KCNQ2: variants seen among roughly 807,000 people sequenced by gnomAD.
The protein encoded by KCNQ2 is potassium voltage-gated channel subfamily Q member 2.
Under a neutral mutation model 84.8 loss-of-function variants are expected in KCNQ2, and 14 were observed. That is an observed-to-expected ratio of 0.17 (90% confidence interval 0.11 to 0.26). The LOEUF (loss-of-function observed/expected upper bound fraction) is 0.26. KCNQ2 is among the 10% of genes least tolerant of loss of function. The pLI is 1.00. For synonymous variants in KCNQ2, 599 were observed against 554.1 expected, an observed-to-expected ratio of 1.08 and a Z score of -1.14; for missense variants, 788 against 1,254.0, an observed-to-expected ratio of 0.63 and a Z score of 5.61.
At chr20:63,415,220 C>G in intron 12 of KCNQ2, 94 bp from the exon 13 acceptor site, 1 of 1,165,034 alleles carries the variant, frequency 8.6e-7, no homozygotes, top group Non-Finnish European at 1.2e-6. Context: ...GCCGACGCCG[C>G]CCATGCGCCG....
intron 1 of KCNQ2, among the ~76,000 whole-genome samples, chr20:63,461,720 G>A (rs1013906396): frequency 6.9e-6 from 1 of 144,838 alleles, no homozygotes; most frequent in African/African-American, 2.6e-5. Context: ...ACCTACCCCG[G>A]GCAGCAGGCA....
intron 1 of KCNQ2, among the ~76,000 whole-genome samples, chr20:63,468,556 G>A (rs2082136626): frequency 6.6e-6 from 1 of 152,238 alleles, no homozygotes; most frequent in Non-Finnish European, 1.5e-5. Context: ...GGACTGTGAG[G>A]GGAAGCGCCT....
intron 7 of KCNQ2, among the ~76,000 whole-genome samples, chr20:63,436,611 AC>A (rs1470326986): frequency 6.6e-6 from 1 of 151,904 alleles, no homozygotes; most frequent in African/African-American, 2.4e-5. Flanking sequence ...TCGAGGTGAG[AC>A]CCCCTACCAG....
At chr20:63,436,276 A>C (rs1480079574) in intron 7 of KCNQ2, among the ~76,000 whole-genome samples, 1 of 152,230 alleles carries the variant, frequency 6.6e-6, no homozygotes, top group Non-Finnish European at 1.5e-5. Context: ...TCACGCCTGT[A>C]ATCCCAGCAC....
intron 11 of KCNQ2, among the ~76,000 whole-genome samples, chr20:63,420,653 C>G (rs1391934311): frequency 6.6e-6 from 1 of 152,176 alleles, no homozygotes; most frequent in African/African-American, 2.4e-5. Flanking sequence ...GGCAGCTCTC[C>G]GAGCGGCGTC....
At chr20:63,453,480 C>T (rs925678723) in intron 1 of KCNQ2, among the ~76,000 whole-genome samples, 12 of 152,250 alleles carry the variant, frequency 7.9e-5, no homozygotes, top group African/African-American at 2.7e-4. Flanking sequence ...GCGCCTTCTG[C>T]GGGCGATCCT....
rs762724881 is a variant in KCNQ2 at position 63,445,227 on chromosome 20, C to A, written c.514+11G>T. The A allele has an allele frequency of 2.5e-6, 4 of 1,613,914 alleles. No homozygotes were observed. The highest frequency in any genetic ancestry group is 3.4e-6 in the Non-Finnish European group (4 of 1,180,018). On this transcript the variant is annotated intron_variant, in intron 3 of 16. Coordinates refer to ENST00000359125, the MANE Select transcript of KCNQ2 (RefSeq NM_172107.4). ...CCTGATTCTAGCAATACCACCCCCA[C>A]CAGGCCTCACCAATCACACAGAACG...
At chr20:63,411,502 A>G (rs1246745426) in intron 15 of KCNQ2, among the ~76,000 whole-genome samples, 1 of 152,106 alleles carries the variant, frequency 6.6e-6, no homozygotes, top group Admixed American at 6.5e-5. Flanking sequence ...CCAGAGGGAA[A>G]TCTCACAGGG....
chr20:63,430,187 G>A (rs78176949), intron 9 of KCNQ2, among the ~76,000 whole-genome samples: 2,123 of 152,278 alleles, frequency 0.014, 63 homozygotes, highest in African/African-American at 0.048. Flanking sequence ...CGGGCGGCAG[G>A]GCCAGGGCAG....
rs572944306 is a variant in KCNQ2 at position 63,438,494 on chromosome 20, T to C, written c.1023+131A>G. The C allele has an allele frequency of 5.1e-6, 4 of 786,740 alleles. No individual in the cohort carries two copies. The highest frequency in any genetic ancestry group is 2.7e-5 in the South Asian group (2 of 72,764). The allele number at this position is 786,740 out of a possible 1,614,324, so 48.7% of individuals were successfully genotyped here. ...TTCACATCCTCGCTCCTTCCACAGATTCCTGCAGAGGGTGAGCGCTGTGGC... is the reference window on the plus strand; with the variant it reads ...TTCACATCCTCGCTCCTTCCACAGACTCCTGCAGAGGGTGAGCGCTGTGGC... On this transcript the variant is annotated intron_variant, in intron 7 of 16. Coordinates refer to ENST00000359125, the MANE Select transcript of KCNQ2 (RefSeq NM_172107.4). This position sits in a 1 kb window ranked among gnomAD's most constrained non-coding sequence, Gnocchi z 5.1.
chr20:63,411,892 T>C, intron 15 of KCNQ2: 1 of 711,778 alleles, frequency 1.4e-6, no homozygotes, highest in Non-Finnish European at 2.6e-6. Context: ...CCTGGCAGAG[T>C]AAACAAGAAA....
chr20:63,431,487 G>A (rs1380592946), intron 8 of KCNQ2, 118 bp from the exon 9 acceptor site: 1 of 1,174,054 alleles, frequency 8.5e-7, no homozygotes, highest in South Asian at 1.2e-5. Context: ...ACAGAACAAA[G>A]AAAATTAGCA....
Position 63,446,850 on chromosome 20 carries a change from A to T in KCNQ2, c.297-13T>A. On this transcript the variant is annotated splice_polypyrimidine_tract_variant and intron_variant, in intron 1 of 16. Transcript: ENST00000359125. This position sits in a 1 kb window ranked among gnomAD's most constrained non-coding sequence, Gnocchi z 5.5. The stretch of plus-strand genomic sequence containing the variant: ...AACCAGGAGGAACCTGGGGGCAGGG[A>T]ACGCGCGCTCTCAGACAGGCCGCAG... 6.2e-7 allele frequency: 1 copy of T among 1,611,416 alleles called. No individual in the cohort carries two copies. The highest frequency in any genetic ancestry group is 8.5e-7 in the Non-Finnish European group (1 of 1,178,166).
chr20:63,400,499 T>C lies in KCNQ2; in HGVS notation c.*6145A>G. On this transcript the variant is annotated 3_prime_UTR_variant, in exon 17 of 17. Coordinates refer to ENST00000359125, the MANE Select transcript of KCNQ2 (RefSeq NM_172107.4). The surrounding 1 kb of genome is among the most constrained non-coding windows in gnomAD (Gnocchi z 8.7). ...AAAGTTGAGATTGAAGTGTGCGGGG[T>C]AACACATCCACCAAAAAAAGGCCTG... 1 of 397,348 alleles carries C rather than the reference T, an allele frequency of 2.5e-6. No homozygotes were observed. Among genetic ancestry groups the C allele is most frequent in the Non-Finnish European group, 4.4e-6 (1 of 225,840 alleles). 24.6% of individuals were successfully genotyped at this position (397,348 alleles called of 1,614,324 possible). A position where few individuals can be genotyped will look rare whatever the true frequency, so the allele number is the denominator to read the frequency against.
Position 63,425,532 on chromosome 20 carries a change from C to T in KCNQ2, c.1218-1326G>A, listed in dbSNP as rs912196770. 4.6e-5 allele frequency among the ~76,000 whole-genome samples: 7 copies of T among 152,036 alleles called. No homozygotes were observed. Among genetic ancestry groups the T allele is most frequent in the Non-Finnish European group, 8.8e-5 (6 of 68,002 alleles). On this transcript the variant is annotated intron_variant, in intron 10 of 16. Coordinates refer to ENST00000359125, the MANE Select transcript of KCNQ2 (RefSeq NM_172107.4). This position sits in a 1 kb window ranked among gnomAD's most constrained non-coding sequence, Gnocchi z 5.5. ...GTCAGGAGTTCGAGACCAGCCTGAC[C>T]AACATGGTGAAACCCCGTCTCTACT...
intron 6 of KCNQ2, among the ~76,000 whole-genome samples, chr20:63,439,170 C>T (rs1460100537): frequency 6.6e-6 from 1 of 152,194 alleles, no homozygotes; most frequent in Admixed American, 6.5e-5. Context: ...GCTGCCCTGC[C>T]CTGCCCTGCC....
intron 1 of KCNQ2, among the ~76,000 whole-genome samples, chr20:63,453,288 G>A (rs1025633873): frequency 5.3e-5 from 8 of 152,250 alleles, no homozygotes; most frequent in Admixed American, 5.2e-4. Flanking sequence ...GCGACCCAGA[G>A]GCCTCCGCCA....
At chr20:63,437,007 G>A (rs1437237816) in intron 7 of KCNQ2, among the ~76,000 whole-genome samples, 3 of 152,186 alleles carry the variant, frequency 2.0e-5, no homozygotes, top group Non-Finnish European at 4.4e-5. Context: ...TCGAACTCCT[G>A]ACCTCAAGAG....
rs2082241952 is a variant in KCNQ2 at position 63,472,471 on chromosome 20, G to A, written c.-8C>T. 1 of 1,494,476 alleles carries A rather than the reference G, an allele frequency of 6.7e-7. No individual in the cohort carries two copies. The highest frequency in any genetic ancestry group is 2.8e-5 in the East Asian group (1 of 35,786). The allele number at this position is 1,494,476 out of a possible 1,614,324, so 92.6% of individuals were successfully genotyped here. The stretch of plus-strand genomic sequence containing the variant: ...GCGCGACTTCTGCACCATGGTGCCT[G>A]GCGGGAGGCGCCCCGGGTCGGGCTC... On this transcript the variant is annotated 5_prime_UTR_variant, in exon 1 of 17. Coordinates refer to ENST00000359125, the MANE Select transcript of KCNQ2 (RefSeq NM_172107.4).
Sources: gnomAD v4.1 joint callset for allele counts (sites outside exome capture counted in the v4.1 genomes callset) on GRCh38, gnomAD v4.1.1 for gene constraint, Gnocchi (gnomAD v3.1) non-coding constraint, MANE v1.5 for transcripts, NCBI Gene and HGNC (gene_info 2026-07-23, HGNC 2026-07-21) for gene names.